Variants in ETS1 observed in about 807,000 individuals in gnomAD.
ETS1 encodes the protein ETS proto-oncogene 1, transcription factor, also known as protein C-ets-1.
Under a neutral mutation model 58.6 loss-of-function variants are expected in ETS1, and 15 were observed. The observed-to-expected ratio is 0.26, with a 90% CI of 0.17 to 0.39. ETS1 has a LOEUF of 0.39. ETS1 is among the 10% of genes least tolerant of loss of function. The probability of loss-of-function intolerance (pLI) is 1.00; values close to 1 mark genes in which losing one functional copy is unlikely to be tolerated. For synonymous variants in ETS1, 214 were observed against 218.2 expected (o/e 0.98, Z 0.17); for missense variants, 417 against 610.5 (o/e 0.68, Z 3.34).
At chr11:128,567,290 G>A (rs1364554389) in intron 2 of ETS1, among the ~76,000 whole-genome samples, 1 of 152,160 alleles carries the variant, frequency 6.6e-6, no homozygotes, top group East Asian at 1.9e-4. Context: ...AGCCTCCCTG[G>A]GGTCCCTCCC....
chr11:128,510,177 C>G (rs79523912), intron 3 of ETS1, among the ~76,000 whole-genome samples: 3,379 of 152,288 alleles, frequency 0.022, 48 homozygotes, highest in Non-Finnish European at 0.035. Flanking sequence ...ATGTATTTAG[C>G]ATCCCCACTC....
intron 3 of ETS1, among the ~76,000 whole-genome samples, chr11:128,544,340 AAT>A (rs10542616): frequency 0.18 from 21,479 of 116,914 alleles, 2,116 homozygotes; most frequent in East Asian, 0.43. Context: ...ATTGTTTACT[AAT>A]ATATATATAT....
At chr11:128,571,520 A>ACTCCGTC in intron 2 of ETS1, among the ~76,000 whole-genome samples, 2 of 64,390 alleles carry the variant, frequency 3.1e-5, no homozygotes, top group African/African-American at 1.5e-4. Flanking sequence ...AAAAAAAAAA[A>ACTCCGTC]AAAAAAAAAA....
chr11:128,561,196 T>C (rs1285008635), intron 2 of ETS1, among the ~76,000 whole-genome samples: 3 of 152,064 alleles, frequency 2.0e-5, no homozygotes, highest in African/African-American at 4.8e-5. Context: ...TAGAGAGCCA[T>C]GCAGGCCAAG....
At position 128,581,625 on chromosome 11, in the gene ETS1, T is replaced by C. The variant is rs191347653; in HGVS notation, c.-15+5863A>G. Among the ~76,000 whole-genome samples the C allele has an allele frequency of 6.6e-5, 10 of 152,286 alleles. No homozygotes were observed. In the East Asian group the frequency reaches 1.9e-3, roughly 29 times the overall value. On this transcript the variant is annotated intron_variant, in intron 1 of 9. Coordinates refer to ENST00000392668, the MANE Select transcript of ETS1 (RefSeq NM_001143820.2). ...CTTTGCTTTCCAAGAATGGTCGTAATAGAGGCCATGGAATAAGAGATTGTT... is the reference window on the plus strand; with the variant it reads ...CTTTGCTTTCCAAGAATGGTCGTAACAGAGGCCATGGAATAAGAGATTGTT...
At chr11:128,576,047 C>T (rs1364889084) in intron 1 of ETS1, among the ~76,000 whole-genome samples, 1 of 152,216 alleles carries the variant, frequency 6.6e-6, no homozygotes, top group African/African-American at 2.4e-5. Flanking sequence ...GGCCCAACAT[C>T]TGGTGCACTC....
intron 3 of ETS1, among the ~76,000 whole-genome samples, chr11:128,507,198 T>C (rs1466202444): frequency 6.6e-6 from 1 of 152,050 alleles, no homozygotes; most frequent in East Asian, 1.9e-4. Flanking sequence ...TCTGATTGGT[T>C]CCCTGGCCCT....
chr11:128,509,550 A>T (rs76815442), intron 3 of ETS1, among the ~76,000 whole-genome samples: 1,674 of 94,222 alleles, frequency 0.018, 149 homozygotes, highest in East Asian at 0.039. Context: ...TCAGGTGAAA[A>T]TTTTTTTTTT....
intron 3 of ETS1, among the ~76,000 whole-genome samples, chr11:128,492,120 G>C (rs1280505712): frequency 6.6e-6 from 1 of 152,192 alleles, no homozygotes; most frequent in Non-Finnish European, 1.5e-5. Flanking sequence ...CTAGAAACCT[G>C]AATCTTCAGT....
In ETS1 at chr11:128,549,779, G is replaced by A. The variant is rs1864201196; in HGVS notation, c.214+6512C>T. 6.6e-6 allele frequency among the ~76,000 whole-genome samples: 1 copy of A among 152,190 alleles called. No homozygotes were observed. The highest frequency in any genetic ancestry group is 1.5e-5 in the Non-Finnish European group (1 of 68,026). On this transcript the variant is annotated intron_variant, in intron 3 of 9. Coordinates refer to ENST00000392668, the MANE Select transcript of ETS1 (RefSeq NM_001143820.2). The surrounding 1 kb of genome is among the most constrained non-coding windows in gnomAD (Gnocchi z 4.3). ...GGGGCTGTTGGGGTCACTCCTGAGA[G>A]CATGGGGTCTCTGGTCTCTAACCTG...
intron 1 of ETS1, among the ~76,000 whole-genome samples, chr11:128,583,078 G>A (rs956885289): frequency 6.6e-6 from 1 of 152,160 alleles, no homozygotes; most frequent in Non-Finnish European, 1.5e-5. Flanking sequence ...TAGGTCTGAG[G>A]TCTGGCCAGA....
intron 2 of ETS1, among the ~76,000 whole-genome samples, chr11:128,568,258 C>T (rs1864546275): frequency 6.6e-6 from 1 of 152,174 alleles, no homozygotes; most frequent in Non-Finnish European, 1.5e-5. Context: ...GCCGGTGAGA[C>T]ATCCCAGGCT....
intron 3 of ETS1, among the ~76,000 whole-genome samples, chr11:128,531,978 G>A (rs964263857): frequency 8.6e-5 from 13 of 151,930 alleles, no homozygotes; most frequent in African/African-American, 1.7e-4. Flanking sequence ...CATTTTCCTC[G>A]GCTGTCTCTT....
intron 2 of ETS1, among the ~76,000 whole-genome samples, chr11:128,571,483 G>A (rs193194686): frequency 1.0e-5 from 1 of 95,962 alleles, no homozygotes; most frequent in African/African-American, 4.4e-5. Flanking sequence ...CAGCCTGGGC[G>A]ACAGAGCAAG....
chr11:128,480,158 T>C, intron 8 of ETS1, 33 bp downstream of exon 8: 1 of 1,607,008 alleles, frequency 6.2e-7, no homozygotes, highest in Non-Finnish European at 8.5e-7. Flanking sequence ...AACGTGCAGA[T>C]GGAGTTGGCC....
At position 128,463,643 on chromosome 11, in the gene ETS1, A is replaced by G; in HGVS notation, c.1124-16T>C. 7.5e-7 allele frequency: 1 copy of G among 1,341,794 alleles called. No homozygotes were observed. Among genetic ancestry groups the G allele is most frequent in the Non-Finnish European group, 1.1e-6 (1 of 931,644 alleles). The allele number at this position is 1,341,794 out of a possible 1,614,324, so 83.1% of individuals were successfully genotyped here. A position where few individuals can be genotyped will look rare whatever the true frequency, so the allele number is the denominator to read the frequency against. ...GGTCCACTGCCTAGAAACACAAGCC[A>G]TTGTGAATCATTACACCAGATATTC... On this transcript the variant is annotated splice_polypyrimidine_tract_variant and intron_variant, in intron 8 of 9. Coordinates refer to ENST00000392668, the MANE Select transcript of ETS1 (RefSeq NM_001143820.2). The surrounding 1 kb of genome is among the most constrained non-coding windows in gnomAD (Gnocchi z 4.1).
At chr11:128,524,093 T>C in intron 3 of ETS1, among the ~76,000 whole-genome samples, 1 of 152,202 alleles carries the variant, frequency 6.6e-6, no homozygotes, top group East Asian at 1.9e-4. Flanking sequence ...AAATGCAGAT[T>C]CCTCAGAGCA....
intron 3 of ETS1, among the ~76,000 whole-genome samples, chr11:128,523,380 C>T (rs1328318653): frequency 6.6e-6 from 1 of 152,218 alleles, no homozygotes; most frequent in African/African-American, 2.4e-5. Flanking sequence ...AACAAATCAA[C>T]CAGTACATGT....
chr11:128,553,979 C>T (rs1864275706), intron 3 of ETS1, among the ~76,000 whole-genome samples: 1 of 152,048 alleles, frequency 6.6e-6, no homozygotes, highest in Non-Finnish European at 1.5e-5. Flanking sequence ...TCTTTATATT[C>T]AACACATCTC....
Sources: gnomAD v4.1 joint callset for allele counts (sites outside exome capture counted in the v4.1 genomes callset) on GRCh38, gnomAD v4.1.1 for gene constraint, Gnocchi (gnomAD v3.1) non-coding constraint, MANE v1.5 for transcripts, NCBI Gene and HGNC (gene_info 2026-07-23, HGNC 2026-07-21) for gene names.